The following COL1A2 variants were observed in gnomAD, a reference collection of about 807,000 sequenced individuals.
COL1A2 encodes the protein collagen alpha-2(I) chain.
Under a neutral mutation model 174.3 loss-of-function variants are expected in COL1A2, and 49 were observed. The ratio of observed to expected loss-of-function variants is 0.28; its 90% confidence interval spans 0.22 to 0.36. The LOEUF is 0.36. COL1A2 is among the 10% of genes least tolerant of loss of function. The pLI is 1.00. For synonymous variants in COL1A2, 655 were observed against 606.6 expected, an observed-to-expected ratio of 1.08 and a Z score of -1.17; for missense variants, 1,438 against 1,822.7, an observed-to-expected ratio of 0.79 and a Z score of 3.84.
chr7:94,415,247 C>G lies in COL1A2; in HGVS notation c.1741C>G (p.Leu581Val). 6.2e-7 allele frequency: 1 copy of G among 1,613,896 alleles called. No homozygotes were observed. The change falls in exon 30 of 52, where the codon CTC becomes GTC. Residue 581 changes from leucine (L) to valine (V), a missense_variant. This residue lies in a region of COL1A2 where 867 missense variants were observed against 1,213.7 expected (regional missense o/e 0.71). Transcript: ENST00000297268. ...GERGLHGEFG[L>V]PGPAGPRGER... is the part of the protein sequence containing the mutation. ...CTAGGGTCTCCATGGTGAGTTTGGT[C>G]TCCCTGGTCCTGCTGGTCCAAGAGT...
intron 26 of COL1A2, 60 bp from the exon 27 acceptor site, chr7:94,413,630 A>G (rs1211349271): frequency 6.7e-7 from 1 of 1,491,474 alleles, no homozygotes; most frequent in Non-Finnish European, 9.4e-7. Context: ...TGAGGCTTTG[A>G]GACATCTTAA....
In COL1A2 at chr7:94,430,227, ATT is replaced by A; in HGVS notation, c.3955-17_3955-16del. On this transcript the variant is annotated intron_variant, in intron 51 of 51. Coordinates refer to ENST00000297268, the MANE Select transcript of COL1A2 (RefSeq NM_000089.4). Reference sequence around the variant, plus strand: ...AGAAATAGTGATGCTTTGTGTATCTATTTTCTTCTCTTTAAACAGAAAAAGAC... The same window carrying A: ...AGAAATAGTGATGCTTTGTGTATCTATTCTTCTCTTTAAACAGAAAAAGAC... The A allele has an allele frequency of 3.1e-6, 5 of 1,610,366 alleles. No individual in the cohort carries two copies. Among genetic ancestry groups the A allele is most frequent in the Non-Finnish European group, 4.2e-6 (5 of 1,176,836 alleles).
intron 24 of COL1A2, 136 bp downstream of exon 24, chr7:94,412,257 A>T: frequency 1.2e-6 from 1 of 813,126 alleles, no homozygotes; most frequent in Non-Finnish European, 2.1e-6. Flanking sequence ...AATGCAGAGT[A>T]ATAGATTGTA....
At position 94,426,396 on chromosome 7, in the gene COL1A2, C is replaced by T. The variant is rs759969551; in HGVS notation, c.2998-27C>T. 9.7e-6 allele frequency: 15 copies of T among 1,548,880 alleles called. No individual in the cohort carries two copies. The African/African-American group carries it at 2.0e-4, about 21-fold the overall frequency. ...GTGCCATTTTTTTAAAACGGTAAGT[C>T]TTATCCATCCTTCTGTTTCTTTATA... On this transcript the variant is annotated intron_variant, in intron 45 of 51. Coordinates refer to ENST00000297268, the MANE Select transcript of COL1A2 (RefSeq NM_000089.4).
intron 6 of COL1A2, among the ~76,000 whole-genome samples, chr7:94,403,308 A>G (rs2115870982): frequency 6.6e-6 from 1 of 152,346 alleles, no homozygotes; most frequent in South Asian, 2.1e-4. Context: ...ATCAACAGAT[A>G]TCTGTTTCAC....
intron 38 of COL1A2, 131 bp from the exon 39 acceptor site, chr7:94,421,768 G>T (rs1792168404): frequency 5.2e-6 from 4 of 774,390 alleles, no homozygotes; most frequent in Admixed American, 2.0e-5. Context: ...CCTATATGAA[G>T]CTGCCTACCT....
intron 6 of COL1A2, among the ~76,000 whole-genome samples, chr7:94,404,218 T>C (rs759227814): frequency 2.0e-5 from 3 of 152,236 alleles, no homozygotes; most frequent in Non-Finnish European, 4.4e-5. Flanking sequence ...CTTCATCTGC[T>C]GTATAGAAGA....
intron 38 of COL1A2, 78 bp from the exon 39 acceptor site, chr7:94,421,821 A>T: frequency 7.0e-7 from 1 of 1,432,642 alleles, no homozygotes; most frequent in Non-Finnish European, 9.8e-7. Context: ...CTGATTTTCC[A>T]AAACAAAGAA....
intron 33 of COL1A2, 33 bp from the exon 34 acceptor site, chr7:94,419,465 T>C: frequency 1.3e-6 from 2 of 1,539,006 alleles, no homozygotes; most frequent in Non-Finnish European, 1.7e-6. Flanking sequence ...TACGGGGTGT[T>C]ATTAATAAGA....
intron 1 of COL1A2, 168 bp downstream of exon 1, chr7:94,395,269 T>C (rs745785262): frequency 4.0e-6 from 3 of 757,662 alleles, no homozygotes; most frequent in East Asian, 2.5e-5. Context: ...GAAATTACTT[T>C]AAAAAATGAA....
At position 94,412,064 on chromosome 7, in the gene COL1A2, A is replaced by T; in HGVS notation, c.1351-4A>T. The T allele has an allele frequency of 6.2e-7, 1 of 1,610,336 alleles. No individual in the cohort carries two copies. Among genetic ancestry groups the T allele is most frequent in the Non-Finnish European group, 8.5e-7 (1 of 1,177,588 alleles). On this transcript the variant is annotated splice_polypyrimidine_tract_variant and splice_region_variant and intron_variant, in intron 23 of 51. Transcript: ENST00000297268. ...ATATAAAAACATCCTCATTTATTTT[A>T]TAGGGTCTTCCTGGTTCCCCTGGAA... is the stretch of plus-strand genomic sequence containing the variant.
intron 19 of COL1A2, 26 bp from the exon 20 acceptor site, chr7:94,410,216 G>T: frequency 6.2e-7 from 1 of 1,612,152 alleles, no homozygotes; most frequent in South Asian, 1.1e-5. Flanking sequence ...TTTGTCCTTT[G>T]ACCACTGTTC....
chr7:94,395,554 T>C (rs1562896244), intron 1 of COL1A2: 1 of 293,442 alleles, frequency 3.4e-6, no homozygotes, highest in Non-Finnish European at 6.6e-6. Context: ...TAAGAGCTTT[T>C]ATCTTCTGGG....
intron 3 of COL1A2, 34 bp from the exon 4 acceptor site, chr7:94,399,015 A>G (rs1791634864): frequency 1.9e-6 from 3 of 1,606,970 alleles, no homozygotes; most frequent in African/African-American, 2.7e-5. Context: ...CTTCTTAGGC[A>G]TTTATTATTG....
At chr7:94,422,843 G>A (rs146436279) in intron 39 of COL1A2, 114 bp from the exon 40 acceptor site, 9 of 1,256,644 alleles carry the variant, frequency 7.2e-6, no homozygotes, top group East Asian at 2.3e-5. Context: ...AATGGCCAGG[G>A]TATTATTTTA....
Position 94,421,949 on chromosome 7 carries a change from C to G in COL1A2, c.2400C>G (p.Pro800=). 1 of 1,613,960 alleles carries G rather than the reference C, an allele frequency of 6.2e-7. No individual in the cohort carries two copies. Among genetic ancestry groups the G allele is most frequent in the Non-Finnish European group, 8.5e-7 (1 of 1,179,870 alleles). Residue 800 remains proline (P), a synonymous_variant, in exon 39 of 52, where the codon CCC becomes CCG. Transcript: ENST00000297268. Reference sequence around the variant, plus strand: ...CTGGACGGACTGGTCCCCCAGGACCCTCTGTAAGTAAATCACTGTAAACGT... The same window carrying G: ...CTGGACGGACTGGTCCCCCAGGACCGTCTGTAAGTAAATCACTGTAAACGT... ...GAAGRTGPPG[P]SGISGPPGPP...
At chr7:94,406,159 A>G (rs911607797) in intron 11 of COL1A2, 91 bp from the exon 12 acceptor site, 16 of 1,351,628 alleles carry the variant, frequency 1.2e-5, no homozygotes, top group Non-Finnish European at 1.7e-5. Context: ...GACTTACCCA[A>G]GAGAGATTAA....
At chr7:94,411,033 G>C in intron 22 of COL1A2, 23 bp from the exon 23 acceptor site, 2 of 1,445,978 alleles carry the variant, frequency 1.4e-6, no homozygotes, top group Non-Finnish European at 1.9e-6. Context: ...TCCTCTATCT[G>C]TTTTTTTTTT....
chr7:94,401,650 A>G (rs74970406), intron 6 of COL1A2, 30 bp downstream of exon 6: 1 of 1,531,532 alleles, frequency 6.5e-7, no homozygotes, highest in East Asian at 2.3e-5. Context: ...TTAGCCAAAA[A>G]AATTGCTAAA....
Sources: allele counts gnomAD v4.1 joint callset (sites outside exome capture counted in the v4.1 genomes callset), GRCh38; gene constraint gnomAD v4.1.1; regional missense constraint gnomAD v4.1.1; transcripts MANE v1.5; gene names NCBI Gene and HGNC (gene_info 2026-07-23, HGNC 2026-07-21).